EML1: variants seen among roughly 807,000 people sequenced by gnomAD.
The protein encoded by EML1 is echinoderm microtubule-associated protein-like 1.
A neutral mutation model predicts 110.4 loss-of-function variants in EML1; 27 were observed. That is an observed-to-expected ratio of 0.24 (90% confidence interval 0.18 to 0.34). The LOEUF (loss-of-function observed/expected upper bound fraction) is 0.34. Ranked by LOEUF, EML1 falls within the 10% of genes least tolerant of loss-of-function variation. The pLI is 1.00. For missense variants in EML1, 741 were observed against 1,030.9 expected (o/e 0.72, Z 3.85); for synonymous variants, 344 against 385.8 (o/e 0.89, Z 1.27).
chr14:99,839,746 AT>A (rs1179807644), intron 1 of EML1, among the ~76,000 whole-genome samples: 1 of 152,212 alleles, frequency 6.6e-6, no homozygotes, highest in Non-Finnish European at 1.5e-5. Flanking sequence ...CTTGAGCTTC[AT>A]TTGAAACAGG....
chr14:99,936,012 T>C lies in EML1; in HGVS notation c.1910-17T>C. ...GTATTGTTAACATCTGAAATGTAAT[T>C]TGTCATCTTTTTATAGATGGGAATT... On this transcript the variant is annotated splice_polypyrimidine_tract_variant and intron_variant, in intron 17 of 21. Transcript: ENST00000262233. The surrounding 1 kb of genome is among the most constrained non-coding windows in gnomAD (Gnocchi z 5.5). The C allele has an allele frequency of 6.2e-7, 1 of 1,611,152 alleles. No homozygotes were observed. Among genetic ancestry groups the C allele is most frequent in the Non-Finnish European group, 8.5e-7 (1 of 1,177,448 alleles).
rs2060117407 is a variant in EML1, at chr14:99,920,820, T to G, written c.1852T>G (p.Leu618Val). The G allele has an allele frequency of 6.2e-7, 1 of 1,613,860 alleles. No individual in the cohort carries two copies. The highest frequency in any genetic ancestry group is 8.5e-7 in the Non-Finnish European group (1 of 1,179,948). ...WFVFDTETKDLVTVHTDGNEQ... is the reference protein window; with the variant it reads ...WFVFDTETKDVVTVHTDGNEQ... Reference sequence around the variant, plus strand: ...TGTGTTTGACACAGAAACAAAAGACTTGGTCACCGTTCACACAGATGGAAA... The same window carrying G: ...TGTGTTTGACACAGAAACAAAAGACGTGGTCACCGTTCACACAGATGGAAA... The change falls in exon 17 of 22, where the codon TTG (leucine) becomes GTG (valine). Residue 618 changes from leucine to valine, a missense_variant. By Grantham distance (32) the Leu-to-Val change is conservative. Around this residue, in one of 4 missense-constraint regions of EML1, gnomAD observed 388 missense variants for 605.6 expected, o/e 0.64. Transcript: ENST00000262233.
In EML1 at chr14:99,831,114, A is replaced by G. The variant is rs577455097; in HGVS notation, c.68-19739A>G. 2.6e-5 allele frequency among the ~76,000 whole-genome samples: 4 copies of G among 152,368 alleles called. 1 individual carries two copies. In the South Asian group the frequency reaches 8.3e-4, roughly 32 times the overall value. On this transcript the variant is annotated intron_variant, in intron 1 of 21. Transcript: ENST00000262233. ...TATTTTCAAGTGTATTTTAAAAATTAGAGAACTAGATTGTCAATTCACGTT... is the reference window on the plus strand; with the variant it reads ...TATTTTCAAGTGTATTTTAAAAATTGGAGAACTAGATTGTCAATTCACGTT...
At chr14:99,909,538 G>A in intron 11 of EML1, 59 bp downstream of exon 11, 1 of 1,603,516 alleles carries the variant, frequency 6.2e-7, no homozygotes, top group Non-Finnish European at 8.5e-7. Flanking sequence ...TTGGCTAGAT[G>A]CATCTCTCTG....
rs1299684437 is a variant in EML1 at position 99,905,446 on chromosome 14, G to A, written c.1009-2192G>A. Among the ~76,000 whole-genome samples the A allele has an allele frequency of 6.6e-6, 1 of 152,166 alleles. No individual in the cohort carries two copies. Among genetic ancestry groups the A allele is most frequent in the Non-Finnish European group, 1.5e-5 (1 of 68,026 alleles). On this transcript the variant is annotated intron_variant, in intron 9 of 21. Coordinates refer to ENST00000262233, the MANE Select transcript of EML1 (RefSeq NM_004434.3). The surrounding 1 kb of genome is among the most constrained non-coding windows in gnomAD (Gnocchi z 4.1). The stretch of plus-strand genomic sequence containing the variant: ...GAGAGAGAGAAAAGCATTCCCTGTG[G>A]CAGGGCGGGGAAGGTGAAGAGCTCA...
intron 4 of EML1, among the ~76,000 whole-genome samples, chr14:99,881,371 C>T (rs1282398794): frequency 6.6e-6 from 1 of 152,152 alleles, no homozygotes; most frequent in Non-Finnish European, 1.5e-5. Flanking sequence ...GGCACTTAGG[C>T]GCAAATTAGA....
In EML1 at chr14:99,914,730, A is replaced by G. The variant is rs768722368; in HGVS notation, c.1752+33A>G. 10 of 1,579,148 alleles carry G rather than the reference A, an allele frequency of 6.3e-6. No homozygotes were observed. The Middle Eastern group carries it at 5.2e-4, about 83-fold the overall frequency. ...TGCACATTACATTTCCATTTTTCTT[A>G]CAGAAATTCATCTGGAACATGTTTA... On this transcript the variant is annotated intron_variant, in intron 15 of 21. Transcript: ENST00000262233.
At chr14:99,741,973 G>T (rs1470301596) in intron 1 of EML1, among the ~76,000 whole-genome samples, 1 of 152,184 alleles carries the variant, frequency 6.6e-6, no homozygotes. Flanking sequence ...GATGCTACAG[G>T]CCTGTCTAGG....
chr14:99,849,954 G>C (rs2058766324), intron 1 of EML1, among the ~76,000 whole-genome samples: 2 of 146,390 alleles, frequency 1.4e-5, no homozygotes, highest in Admixed American at 1.4e-4. Flanking sequence ...TGTCACCCGG[G>C]GTCTTGCTCT....
intron 9 of EML1, among the ~76,000 whole-genome samples, chr14:99,903,470 A>G (rs2059792852): frequency 6.6e-6 from 1 of 152,206 alleles, no homozygotes; most frequent in African/African-American, 2.4e-5. Context: ...GATGACAGAA[A>G]GTCTTAGGAC....
intron 15 of EML1, chr14:99,915,412 C>CAA (rs11316684): frequency 9.1e-4 from 78 of 85,904 alleles, no homozygotes; most frequent in African/African-American, 1.8e-3. Context: ...AATTCTGTCT[C>CAA]AAAAAAAAAA....
intron 15 of EML1, among the ~76,000 whole-genome samples, chr14:99,916,129 A>G (rs2060031042): frequency 1.3e-5 from 2 of 152,242 alleles, no homozygotes. Context: ...TTAATCATTT[A>G]GCCTAACATA....
chr14:99,879,616 C>G (rs577426535), intron 4 of EML1, among the ~76,000 whole-genome samples: 22 of 152,322 alleles, frequency 1.4e-4, no homozygotes, highest in Non-Finnish European at 1.9e-4. Flanking sequence ...AACATAGAGA[C>G]ACTTCTCACA....
chr14:99,803,455 G>A (rs1328880808), intron 1 of EML1, among the ~76,000 whole-genome samples: 1 of 152,200 alleles, frequency 6.6e-6, no homozygotes, highest in East Asian at 1.9e-4. Context: ...GGTAGACTTA[G>A]ACATTCAGAA....
chr14:99,891,373 G>A (rs1189699207), intron 5 of EML1, 146 bp downstream of exon 5: 3 of 1,014,032 alleles, frequency 3.0e-6, no homozygotes, highest in Non-Finnish European at 4.4e-6. Flanking sequence ...CTTTGTACCT[G>A]GAGGTTGAAT....
intron 1 of EML1, among the ~76,000 whole-genome samples, chr14:99,787,164 T>C (rs1237616987): frequency 6.6e-6 from 1 of 152,164 alleles, no homozygotes; most frequent in East Asian, 1.9e-4. Flanking sequence ...TACCTCTTAT[T>C]TTGTAGAGTA....
chr14:99,772,491 G>T (rs1196913876), upstream of EML1, among the ~76,000 whole-genome samples: 1 of 152,326 alleles, frequency 6.6e-6, no homozygotes, highest in East Asian at 1.9e-4. Context: ...CTGCCCTGAA[G>T]ACAGAGCTGT....
chr14:99,754,644 G>A (rs183160835), intron 1 of EML1, among the ~76,000 whole-genome samples: 96 of 152,326 alleles, frequency 6.3e-4, no homozygotes, highest in African/African-American at 2.3e-3. Flanking sequence ...TCCGAGTTTT[G>A]TTTTGAGGAC....
intron 1 of EML1, among the ~76,000 whole-genome samples, chr14:99,774,742 G>A (rs1343700891): frequency 6.6e-6 from 1 of 152,196 alleles, no homozygotes; most frequent in African/African-American, 2.4e-5. Context: ...AGGGGTAAGG[G>A]GCCATCTTCC....
Sources: gnomAD v4.1 joint callset for allele counts (sites outside exome capture counted in the v4.1 genomes callset) on GRCh38, gnomAD v4.1.1 for gene constraint, gnomAD v4.1.1 regional missense constraint, Gnocchi (gnomAD v3.1) non-coding constraint, MANE v1.5 for transcripts, NCBI Gene and HGNC (gene_info 2026-07-23, HGNC 2026-07-21) for gene names.